Variants in DNAJC18 observed in about 807,000 individuals in gnomAD.
The protein encoded by DNAJC18 is DnaJ heat shock protein family (Hsp40) member C18.
DNAJC18 carries 40 observed loss-of-function variants against 48.6 expected under a neutral mutation model. That is an observed-to-expected ratio of 0.82 (90% CI 0.64 to 1.07). The LOEUF is 1.07. Among genes scored for constraint, DNAJC18 ranks in the 50% least tolerant of loss-of-function variants. DNAJC18 has a pLI of 0.00. For synonymous variants in DNAJC18, 135 were observed against 152.2 expected (o/e 0.89, Z 0.83); for missense variants, 340 against 427.7 (o/e 0.79, Z 1.81).
intron 7 of DNAJC18, among the ~76,000 whole-genome samples, chr5:139,416,748 C>T (rs531637108): frequency 6.6e-6 from 1 of 152,392 alleles, no homozygotes; most frequent in Admixed American, 6.5e-5. Flanking sequence ...CTCAGCTAGG[C>T]CAAGAGGCAG....
intron 2 of DNAJC18, 92 bp downstream of exon 2, chr5:139,437,279 TC>T: frequency 7.1e-7 from 1 of 1,415,400 alleles, no homozygotes; most frequent in Non-Finnish European, 9.4e-7. Flanking sequence ...ATCATCATCA[TC>T]ATTATCATCA....
At chr5:139,417,684 C>T (rs547902913) in intron 7 of DNAJC18, among the ~76,000 whole-genome samples, 2 of 151,792 alleles carry the variant, frequency 1.3e-5, no homozygotes, top group East Asian at 1.9e-4. Flanking sequence ...AGAGATTCTC[C>T]TGCCTCAGCC....
Position 139,411,367 on chromosome 5 carries a change from C to G in DNAJC18, c.*2781G>C, listed in dbSNP as rs1758991690. The G allele has an allele frequency of 6.6e-6, 1 of 152,232 alleles. No individual in the cohort carries two copies. Among genetic ancestry groups the G allele is most frequent in the South Asian group, 2.1e-4 (1 of 4,832 alleles). The allele number at this position is 152,232 out of a possible 1,614,324, so 9.4% of individuals were successfully genotyped here. On this transcript the variant is annotated 3_prime_UTR_variant, in exon 8 of 8. Coordinates refer to ENST00000302060, the MANE Select transcript of DNAJC18 (RefSeq NM_152686.4). ...CCTCAAGCCCTATTTCTGAGCGCTGCTCCTCTCACACACGTCTCCAATCTG... is the reference window on the plus strand; with the variant it reads ...CCTCAAGCCCTATTTCTGAGCGCTGGTCCTCTCACACACGTCTCCAATCTG...
At position 139,425,112 on chromosome 5, in the gene DNAJC18, T is replaced by C; in HGVS notation, c.562A>G (p.Asn188Asp). The part of the protein sequence containing the change: ...VFFGGHFPTG[N>D]IHMFSNVTDD... ...GTCACATTTGAAAACATATGAATAT[T>C]TCCTGGAAAAGAAATACATGGTATG... Residue 188 changes from asparagine (N) to aspartate (D), a missense_variant and splice_region_variant, in exon 5 of 8, where the codon AAT becomes GAT. Coordinates refer to ENST00000302060, the MANE Select transcript of DNAJC18 (RefSeq NM_152686.4). 6.2e-7 allele frequency: 1 copy of C among 1,610,834 alleles called. No homozygotes were observed. The highest frequency in any genetic ancestry group is 8.5e-7 in the Non-Finnish European group (1 of 1,177,594).
intron 2 of DNAJC18, among the ~76,000 whole-genome samples, chr5:139,431,643 A>G (rs1488460037): frequency 6.6e-6 from 1 of 152,210 alleles, no homozygotes; most frequent in Non-Finnish European, 1.5e-5. Context: ...GGTCGTTATG[A>G]ATAATATTGC....
In DNAJC18 at chr5:139,420,227, T is replaced by C. The variant is rs1759131776; in HGVS notation, c.780-2A>G. On this transcript the variant is annotated splice_acceptor_variant, in intron 6 of 7. Transcript: ENST00000302060. LOFTEE classifies it high-confidence loss of function. ...CTAGAAATGGTGTAGCCCAAGGTCC[T>C]GAAACAAGGAGAGAGAGGCTCATGT... 1.2e-6 allele frequency: 2 copies of C among 1,604,520 alleles called. No individual in the cohort carries two copies. The highest frequency in any genetic ancestry group is 1.7e-6 in the Non-Finnish European group (2 of 1,177,584).
Position 139,439,236 on chromosome 5 carries a change from TC to T in DNAJC18, c.40+169del, listed in dbSNP as rs1046097823. Among the ~76,000 whole-genome samples, 2 of 151,854 alleles carry T rather than the reference TC, an allele frequency of 1.3e-5. No individual in the cohort carries two copies. The highest frequency in any genetic ancestry group is 2.9e-5 in the Non-Finnish European group (2 of 67,956). On this transcript the variant is annotated intron_variant, in intron 1 of 7. Transcript: ENST00000302060. The surrounding 1 kb of genome is among the most constrained non-coding windows in gnomAD (Gnocchi z 4.1). ...CCGGTGACTCTGGGCTCGCGGTCGG[TC>T]CCCAGCTTCCCTACCCCATCCGCAA... is the stretch of plus-strand genomic sequence containing the variant.
At chr5:139,414,342 G>C in intron 7 of DNAJC18, 70 bp from the exon 8 acceptor site, 3 of 1,531,414 alleles carry the variant, frequency 2.0e-6, no homozygotes, top group Non-Finnish European at 2.6e-6. Flanking sequence ...TGTTTCTGGA[G>C]TCAAAGCTCC....
At chr5:139,417,005 T>TGG (rs1274324295) in intron 7 of DNAJC18, among the ~76,000 whole-genome samples, 1 of 151,946 alleles carries the variant, frequency 6.6e-6, no homozygotes, top group Non-Finnish European at 1.5e-5. Context: ...CTGACCAACA[T>TGG]CCTTGAAACC....
At chr5:139,425,140 A>C in intron 4 of DNAJC18, 26 bp from the exon 5 acceptor site, 1 of 1,584,646 alleles carries the variant, frequency 6.3e-7, no homozygotes, top group Non-Finnish European at 8.6e-7. Flanking sequence ...ATGGTATGGG[A>C]TATGGCAAAC....
chr5:139,436,563 G>A (rs994462677), intron 2 of DNAJC18, among the ~76,000 whole-genome samples: 5 of 106,518 alleles, frequency 4.7e-5, no homozygotes, highest in South Asian at 3.1e-4. Flanking sequence ...TTGCTCTGCT[G>A]TGCGATTATG....
Position 139,437,354 on chromosome 5 carries a change from A to G in DNAJC18, c.227+18T>C, listed in dbSNP as rs201441862. 6 of 1,584,618 alleles carry G rather than the reference A, an allele frequency of 3.8e-6. No homozygotes were observed. The highest frequency in any genetic ancestry group is 3.5e-5 in the South Asian group (3 of 85,784). On this transcript the variant is annotated intron_variant, in intron 2 of 7. Coordinates refer to ENST00000302060, the MANE Select transcript of DNAJC18 (RefSeq NM_152686.4). Reference sequence around the variant, plus strand: ...CACTTTCCATAAAATCACTCATTTAATCTCACCACATGCTCACCTTTGTAC... The same window carrying G: ...CACTTTCCATAAAATCACTCATTTAGTCTCACCACATGCTCACCTTTGTAC...
intron 2 of DNAJC18, 118 bp from the exon 3 acceptor site, chr5:139,428,801 T>C (rs1759283422): frequency 8.3e-7 from 1 of 1,210,420 alleles, no homozygotes; most frequent in Non-Finnish European, 1.1e-6. Context: ...ATAAGAAAAT[T>C]AGTGCACACG....
chr5:139,428,638 T>G lies in DNAJC18; in HGVS notation c.273A>C (p.Arg91=). 6.2e-7 allele frequency: 1 copy of G among 1,612,504 alleles called. No individual in the cohort carries two copies. The highest frequency in any genetic ancestry group is 8.5e-7 in the Non-Finnish European group (1 of 1,179,626). The change falls in exon 3 of 8, where the codon CGA becomes CGC. Residue 91 remains arginine (R), a synonymous_variant. Coordinates refer to ENST00000302060, the MANE Select transcript of DNAJC18 (RefSeq NM_152686.4). ...RNYYEILGVS[R]DASDEELKKA... is the part of the protein sequence containing the mutation. ...TCTTAAGCTCTTCGTCACTAGCATCTCGAGAAACTCCCAGAATTTCATAGT... is the reference window on the plus strand; with the variant it reads ...TCTTAAGCTCTTCGTCACTAGCATCGCGAGAAACTCCCAGAATTTCATAGT...
intron 2 of DNAJC18, among the ~76,000 whole-genome samples, chr5:139,434,959 C>T (rs1233757614): frequency 1.3e-5 from 2 of 152,102 alleles, no homozygotes; most frequent in East Asian, 1.9e-4. Flanking sequence ...GGTGGGAAAA[C>T]ACCTAGTTGT....
chr5:139,429,204 C>T (rs1309415835), intron 2 of DNAJC18, among the ~76,000 whole-genome samples: 1 of 151,728 alleles, frequency 6.6e-6, no homozygotes, highest in African/African-American at 2.4e-5. Flanking sequence ...CTGCCTCAGC[C>T]TCCCGAGTAG....
chr5:139,420,535 T>A (rs1306273844), intron 6 of DNAJC18, among the ~76,000 whole-genome samples: 1 of 148,634 alleles, frequency 6.7e-6, no homozygotes, highest in South Asian at 2.2e-4. Flanking sequence ...AAACAATTTT[T>A]ACGTTGTGTA....
intron 2 of DNAJC18, among the ~76,000 whole-genome samples, chr5:139,434,748 T>TTG (rs34748727): frequency 0.56 from 84,159 of 150,392 alleles, 25,459 homozygotes; most frequent in Non-Finnish European, 0.69. Context: ...CTAACAGTAT[T>TTG]TGTGTGTGTG....
intron 5 of DNAJC18, among the ~76,000 whole-genome samples, chr5:139,424,253 C>T (rs929564868): frequency 2.6e-5 from 4 of 152,084 alleles, no homozygotes; most frequent in Non-Finnish European, 5.9e-5. Flanking sequence ...AATCTGGGCC[C>T]AAAGAGTCCT....
Sources: gnomAD v4.1 joint callset for allele counts (sites outside exome capture counted in the v4.1 genomes callset) on GRCh38, gnomAD v4.1.1 for gene constraint, Gnocchi (gnomAD v3.1) non-coding constraint, MANE v1.5 for transcripts, NCBI Gene and HGNC (gene_info 2026-07-23, HGNC 2026-07-21) for gene names.